SVEP1: variants seen among roughly 807,000 people sequenced by gnomAD.
SVEP1 encodes the protein sushi, von Willebrand factor type A, EGF and pentraxin domain-containing protein 1.
SVEP1 carries 164 observed loss-of-function variants against 367.3 expected under a neutral mutation model. The ratio of observed to expected loss-of-function variants is 0.45; its 90% CI spans 0.39 to 0.51. The LOEUF (loss-of-function observed/expected upper bound fraction) is 0.51. SVEP1 is among the 20% of genes least tolerant of loss of function. The pLI is 0.00. For synonymous variants in SVEP1, 1,666 were observed against 1,611.6 expected (o/e 1.03, Z -0.81); for missense variants, 4,117 against 4,425.3 (o/e 0.93, Z 1.98).
intron 47 of SVEP1, chr9:110,369,705 G>A: frequency 1.9e-6 from 1 of 529,026 alleles, no homozygotes. Flanking sequence ...GCACAAGACT[G>A]CTTATTTTTG....
chr9:110,397,139 T>C (rs1264798920), intron 40 of SVEP1, among the ~76,000 whole-genome samples: 1 of 152,184 alleles, frequency 6.6e-6, no homozygotes, highest in Non-Finnish European at 1.5e-5. Context: ...AAAAAGCTTA[T>C]CCACCATGAT....
At chr9:110,568,235 C>A (rs1175092803) in intron 1 of SVEP1, among the ~76,000 whole-genome samples, 1 of 152,214 alleles carries the variant, frequency 6.6e-6, no homozygotes, top group African/African-American at 2.4e-5. Flanking sequence ...CAGCTCACTT[C>A]TTCTTCCATA....
chr9:110,411,085 T>G lies in SVEP1; in HGVS notation c.6626A>C (p.Lys2209Thr), dbSNP rs1459750806. The G allele has an allele frequency of 4.4e-6, 7 of 1,597,146 alleles. No individual in the cohort carries two copies. Among genetic ancestry groups the G allele is most frequent in the Non-Finnish European group, 6.0e-6 (7 of 1,170,636 alleles). ...TACCTCCAGAAAGCCATTCTCAACC[T>G]TAGGTGGTTCACCACAAGATACCGG... is the stretch of plus-strand genomic sequence containing the variant. ...CHPVSCGEPP[K>T]VENGFLEHTT... is the part of the protein sequence containing the mutation. Residue 2209 changes from lysine (K) to threonine (T), a missense_variant, in exon 37 of 48, where the codon AAG becomes ACG. Lys to Thr is a moderately conservative substitution (Grantham distance 78). Coordinates refer to ENST00000374469, the MANE Select transcript of SVEP1 (RefSeq NM_153366.4).
chr9:110,448,686 T>C (rs751376019), intron 24 of SVEP1, among the ~76,000 whole-genome samples: 6 of 152,250 alleles, frequency 3.9e-5, no homozygotes, highest in Non-Finnish European at 8.8e-5. Context: ...AGTTAGGATT[T>C]AGACAACTTT....
intron 3 of SVEP1, among the ~76,000 whole-genome samples, chr9:110,518,203 A>C (rs891668926): frequency 2.0e-5 from 3 of 152,094 alleles, no homozygotes; most frequent in Non-Finnish European, 4.4e-5. Context: ...CGGGCCGATC[A>C]CCTGAGGTCA....
At chr9:110,396,927 G>A (rs1162853491) in intron 40 of SVEP1, among the ~76,000 whole-genome samples, 1 of 151,954 alleles carries the variant, frequency 6.6e-6, no homozygotes, top group Admixed American at 6.6e-5. Context: ...AGGAGGAGCT[G>A]GTACCATTCC....
chr9:110,481,962 C>T (rs572597649), intron 11 of SVEP1, among the ~76,000 whole-genome samples: 11 of 152,266 alleles, frequency 7.2e-5, no homozygotes, highest in Admixed American at 6.5e-4. Flanking sequence ...ATCCACCCGC[C>T]TCGGCCTCCC....
intron 18 of SVEP1, among the ~76,000 whole-genome samples, chr9:110,463,729 AG>A (rs1828896058): frequency 6.6e-6 from 1 of 152,030 alleles, no homozygotes; most frequent in African/African-American, 2.4e-5. Flanking sequence ...AGAGAAAGAA[AG>A]ACAAAAGCAA....
In SVEP1 at chr9:110,489,020, G is replaced by A. The variant is rs528878616; in HGVS notation, c.1930+630C>T. On this transcript the variant is annotated intron_variant, in intron 9 of 47. Transcript: ENST00000374469. The stretch of plus-strand genomic sequence containing the variant: ...TGAAGGGGATAGAAGCCAGATTTGG[G>A]TGACTCCGAATAAATGGCAATTAAG... Among the ~76,000 whole-genome samples the A allele has an allele frequency of 1.1e-4, 16 of 152,306 alleles. No homozygotes were observed. The South Asian group carries it at 3.3e-3, about 32-fold the overall frequency.
intron 3 of SVEP1, among the ~76,000 whole-genome samples, chr9:110,522,234 T>G (rs566248270): frequency 2.6e-5 from 4 of 152,138 alleles, no homozygotes; most frequent in Admixed American, 2.6e-4. Flanking sequence ...TTCAGACTTG[T>G]GTAGGCCCAA....
intron 3 of SVEP1, among the ~76,000 whole-genome samples, chr9:110,528,622 GTTGA>G (rs1479938786): frequency 2.0e-5 from 3 of 151,650 alleles, no homozygotes; most frequent in Non-Finnish European, 4.4e-5. Flanking sequence ...AAATGTCTAA[GTTGA>G]TTGTCTACTT....
At chr9:110,479,190 T>A (rs1829146776) in intron 13 of SVEP1, among the ~76,000 whole-genome samples, 1 of 152,152 alleles carries the variant, frequency 6.6e-6, no homozygotes, top group South Asian at 2.1e-4. Flanking sequence ...AGTGCTGGGA[T>A]TACAGGCGTG....
At chr9:110,398,550 C>T (rs1471043896) in intron 40 of SVEP1, among the ~76,000 whole-genome samples, 1 of 149,860 alleles carries the variant, frequency 6.7e-6, no homozygotes, top group African/African-American at 2.4e-5. Flanking sequence ...TTAGAGTGAA[C>T]AGGCAACCTA....
intron 3 of SVEP1, among the ~76,000 whole-genome samples, chr9:110,516,685 A>G (rs943119763): frequency 6.6e-6 from 1 of 152,186 alleles, no homozygotes; most frequent in African/African-American, 2.4e-5. Context: ...GATAGAAAAG[A>G]AAGTTTAAAA....
chr9:110,572,344 G>A (rs1360478000), intron 1 of SVEP1, among the ~76,000 whole-genome samples: 1 of 152,196 alleles, frequency 6.6e-6, no homozygotes, highest in East Asian at 1.9e-4. Context: ...AGCATTCACA[G>A]TCTTTGACCA....
intron 40 of SVEP1, 76 bp downstream of exon 40, chr9:110,400,778 T>C: frequency 1.4e-6 from 2 of 1,440,352 alleles, no homozygotes; most frequent in Admixed American, 5.1e-5. Context: ...TAAAACAAAT[T>C]TGTGCTAATA....
At chr9:110,533,512 T>C (rs943361206) in intron 3 of SVEP1, among the ~76,000 whole-genome samples, 1 of 152,056 alleles carries the variant, frequency 6.6e-6, no homozygotes, top group Non-Finnish European at 1.5e-5. Context: ...ACAAACCACA[T>C]GTAAGGGAAC....
At chr9:110,533,600 G>GTGTGTA (rs778448544) in intron 3 of SVEP1, among the ~76,000 whole-genome samples, 8 of 108,010 alleles carry the variant, frequency 7.4e-5, no homozygotes, top group African/African-American at 2.3e-4. Context: ...GTGTCTGTGT[G>GTGTGTA]TGTGTGTGCA....
intron 7 of SVEP1, among the ~76,000 whole-genome samples, chr9:110,498,073 C>CACACA (rs540804506): frequency 9.2e-5 from 14 of 152,342 alleles, no homozygotes; most frequent in African/African-American, 2.9e-4. Context: ...ATCCTGTACA[C>CACACA]ATTGCTACAT....
Sources: allele counts gnomAD v4.1 joint callset (sites outside exome capture counted in the v4.1 genomes callset), GRCh38; gene constraint gnomAD v4.1.1; transcripts MANE v1.5; gene names NCBI Gene and HGNC (gene_info 2026-07-23, HGNC 2026-07-21).